The following CSGALNACT1 variants were observed in gnomAD, a reference collection of about 807,000 sequenced individuals.
CSGALNACT1 encodes beta4GalNAcT-1.
In CSGALNACT1, 52 loss-of-function variants were observed where a neutral mutation model predicts 51.0. The ratio of observed to expected loss-of-function variants is 1.02; its 90% confidence interval spans 0.82 to 1.29. The LOEUF is 1.29. Ranked by LOEUF, CSGALNACT1 falls within the 50% of genes most tolerant of loss-of-function variation. CSGALNACT1 has a pLI of 0.00. For missense variants in CSGALNACT1, 935 were observed against 679.2 expected (o/e 1.38, Z -4.19); for synonymous variants, 341 against 254.4 (o/e 1.34, Z -3.24).
chr8:19,689,571 C>T (rs776768056), intron 1 of CSGALNACT1, among the ~76,000 whole-genome samples: 2 of 152,192 alleles, frequency 1.3e-5, no homozygotes, highest in Non-Finnish European at 2.9e-5. Flanking sequence ...AAGATTCTGG[C>T]TTCTGCTTAA....
At chr8:19,659,819 C>T (rs1029720728) in intron 1 of CSGALNACT1, among the ~76,000 whole-genome samples, 1 of 152,208 alleles carries the variant, frequency 6.6e-6, no homozygotes, top group Non-Finnish European at 1.5e-5. Flanking sequence ...ACATAACCCT[C>T]CAGCAGTGCA....
chr8:19,748,978 C>A (rs2131293), intron 1 of CSGALNACT1, among the ~76,000 whole-genome samples: 118,137 of 150,110 alleles, frequency 0.79, 46,953 homozygotes, highest in African/African-American at 0.92. Flanking sequence ...AAAAAAAAAA[C>A]ATTAAGGAAC....
chr8:19,719,176 A>G, intron 1 of CSGALNACT1, among the ~76,000 whole-genome samples: 1 of 152,192 alleles, frequency 6.6e-6, no homozygotes. Context: ...CCCTGGCTCA[A>G]ATTATCACTT....
At chr8:19,490,149 T>A (rs943298114) in intron 4 of CSGALNACT1, among the ~76,000 whole-genome samples, 1 of 152,186 alleles carries the variant, frequency 6.6e-6, no homozygotes, top group African/African-American at 2.4e-5. Context: ...TTCCCCCGAC[T>A]TCCCAGCTCC....
intron 1 of CSGALNACT1, among the ~76,000 whole-genome samples, chr8:19,664,698 C>G (rs934313323): frequency 6.6e-6 from 1 of 151,976 alleles, no homozygotes; most frequent in African/African-American, 2.4e-5. Context: ...CAATGGAATA[C>G]TACTCAGCCA....
At chr8:19,559,591 T>C (rs2040240821) in intron 3 of CSGALNACT1, among the ~76,000 whole-genome samples, 1 of 152,154 alleles carries the variant, frequency 6.6e-6, no homozygotes, top group Non-Finnish European at 1.5e-5. Context: ...GCTGTTAGAA[T>C]AGTAGAGTTC....
At chr8:19,598,415 G>A (rs537066861) in intron 2 of CSGALNACT1, among the ~76,000 whole-genome samples, 8 of 152,246 alleles carry the variant, frequency 5.3e-5, no homozygotes, top group East Asian at 1.9e-4. Context: ...TCCATTCAAC[G>A]AAAATATTTT....
At chr8:19,455,971 C>T (rs1370373163) in intron 5 of CSGALNACT1, among the ~76,000 whole-genome samples, 2 of 152,236 alleles carry the variant, frequency 1.3e-5, no homozygotes, top group African/African-American at 4.8e-5. Flanking sequence ...TTCCTACCTC[C>T]ACGAGCAAGG....
intron 3 of CSGALNACT1, among the ~76,000 whole-genome samples, chr8:19,580,565 A>G (rs1035203138): frequency 2.6e-5 from 4 of 152,244 alleles, no homozygotes; most frequent in Non-Finnish European, 5.9e-5. Context: ...CAGAAAAGAA[A>G]TAGATCTTCC....
intron 8 of CSGALNACT1, among the ~76,000 whole-genome samples, chr8:19,414,289 A>C (rs566386653): frequency 6.6e-6 from 1 of 152,184 alleles, no homozygotes; most frequent in Non-Finnish European, 1.5e-5. Flanking sequence ...GGTGAACAAA[A>C]AACCGGAGTC....
intron 3 of CSGALNACT1, among the ~76,000 whole-genome samples, chr8:19,514,916 G>A (rs557397658): frequency 1.1e-4 from 17 of 152,228 alleles, no homozygotes; most frequent in South Asian, 1.0e-3. Flanking sequence ...ATAATAAAGC[G>A]TAAAATATTT....
intron 4 of CSGALNACT1, among the ~76,000 whole-genome samples, chr8:19,467,630 T>C (rs2067016813): frequency 6.6e-6 from 1 of 152,118 alleles, no homozygotes; most frequent in Non-Finnish European, 1.5e-5. Flanking sequence ...TGGTTAGTTT[T>C]TTTTTTTATT....
At chr8:19,681,698 A>C (rs909943246) in intron 1 of CSGALNACT1, among the ~76,000 whole-genome samples, 1 of 152,118 alleles carries the variant, frequency 6.6e-6, no homozygotes, top group African/African-American at 2.4e-5. Flanking sequence ...ATGTGCTTCC[A>C]AGTTCCCACT....
intron 3 of CSGALNACT1, among the ~76,000 whole-genome samples, chr8:19,518,188 T>C (rs1022938434): frequency 6.6e-6 from 1 of 152,232 alleles, no homozygotes; most frequent in African/African-American, 2.4e-5. Context: ...AGTAAGGGTA[T>C]GGGAGTCCTC....
chr8:19,692,258 A>G (rs921085495), intron 1 of CSGALNACT1, among the ~76,000 whole-genome samples: 1 of 152,190 alleles, frequency 6.6e-6, no homozygotes, highest in Non-Finnish European at 1.5e-5. Context: ...ATCACCTACT[A>G]AAACAAAAAT....
rs144339481 is a variant in CSGALNACT1, at chr8:19,450,365, C to G, written c.851+8061G>C. On this transcript the variant is annotated intron_variant, in intron 5 of 9. Coordinates refer to ENST00000454498, the Ensembl canonical transcript of CSGALNACT1. The stretch of plus-strand genomic sequence containing the variant: ...TAAGTAGGTTTAAGCCAATATGTGA[C>G]TGGACAAAAAGGAAACAGAAAAACA... 7.1e-3 allele frequency among the ~76,000 whole-genome samples: 1,082 copies of G among 151,890 alleles called. 8 individuals are homozygous for G. Among genetic ancestry groups the G allele is most frequent in the Middle Eastern group, 0.017 (5 of 290 alleles).
intron 5 of CSGALNACT1, among the ~76,000 whole-genome samples, chr8:19,452,822 C>G (rs776595897): frequency 1.3e-5 from 2 of 152,032 alleles, no homozygotes; most frequent in Non-Finnish European, 2.9e-5. Context: ...ACATATCCAT[C>G]CCAGGGCTCA....
At chr8:19,654,105 C>A (rs1175532842) in intron 1 of CSGALNACT1, among the ~76,000 whole-genome samples, 1 of 152,220 alleles carries the variant, frequency 6.6e-6, no homozygotes, top group Non-Finnish European at 1.5e-5. Context: ...ACTGAAAACA[C>A]ACGAACTGAC....
chr8:19,446,480 A>G (rs189509374), intron 5 of CSGALNACT1, among the ~76,000 whole-genome samples: 1 of 152,172 alleles, frequency 6.6e-6, no homozygotes, highest in East Asian at 1.9e-4. Context: ...CTTCTGCCTG[A>G]ACCTGGAAGC....
Sources: allele counts gnomAD v4.1 joint callset (sites outside exome capture counted in the v4.1 genomes callset), GRCh38; gene constraint gnomAD v4.1.1; transcripts MANE v1.5; gene names NCBI Gene and HGNC (gene_info 2026-07-23, HGNC 2026-07-21).